COMT: variants seen among roughly 807,000 people sequenced by gnomAD.
COMT encodes the protein catechol O-methyltransferase.
In COMT, 13 loss-of-function variants were observed where a neutral mutation model predicts 18.9. The ratio of observed to expected loss-of-function variants is 0.69; its 90% CI spans 0.45 to 1.09. The LOEUF is 1.09. Among genes scored for constraint, COMT ranks in the 50% least tolerant of loss-of-function variants. COMT has a pLI of 0.00. For missense variants in COMT, 329 were observed against 361.8 expected (o/e 0.91, Z 0.73); for synonymous variants, 150 against 160.9 (o/e 0.93, Z 0.51).
chr22:19,943,189 C>T (rs1419574004), intron 1 of COMT, among the ~76,000 whole-genome samples: 3 of 152,148 alleles, frequency 2.0e-5, no homozygotes, highest in Non-Finnish European at 4.4e-5. Context: ...TGTCAGCACT[C>T]CCCCTGTGCA....
intron 1 of COMT, among the ~76,000 whole-genome samples, chr22:19,957,791 G>T (rs1047964134): frequency 6.6e-6 from 1 of 152,200 alleles, no homozygotes; most frequent in African/African-American, 2.4e-5. Flanking sequence ...CCTCACGGGG[G>T]TCTCATGAGC....
At chr22:19,942,462 C>T (rs1227687967) in intron 1 of COMT, among the ~76,000 whole-genome samples, 2 of 152,112 alleles carry the variant, frequency 1.3e-5, no homozygotes, top group African/African-American at 4.8e-5. Context: ...GCTGCTCCAC[C>T]AGGAAGGGGC....
chr22:19,968,799 G>C lies in COMT; in HGVS notation c.*63G>C. On this transcript the variant is annotated 3_prime_UTR_variant, in exon 6 of 6. Coordinates refer to ENST00000361682, the MANE Select transcript of COMT (RefSeq NM_000754.4). ...GCCTGGTACTGAAGGTGCCAGACGT[G>C]CTCCTGCTGACCTTCTGCGGCTCCG... 1 of 1,511,686 alleles carries C rather than the reference G, an allele frequency of 6.6e-7. No homozygotes were observed. The highest frequency in any genetic ancestry group is 9.0e-7 in the Non-Finnish European group (1 of 1,108,904). The allele number at this position is 1,511,686 out of a possible 1,614,324, so 93.6% of individuals were successfully genotyped here. A position where few individuals can be genotyped will look rare whatever the true frequency, so the allele number is the denominator to read the frequency against.
intron 1 of COMT, among the ~76,000 whole-genome samples, chr22:19,942,542 G>A (rs1941756008): frequency 6.6e-6 from 1 of 152,158 alleles, no homozygotes; most frequent in Admixed American, 6.5e-5. Flanking sequence ...GAAAGGGGAA[G>A]TCACTCCGGG....
At chr22:19,948,824 A>G (rs931724841) in intron 1 of COMT, among the ~76,000 whole-genome samples, 8 of 151,902 alleles carry the variant, frequency 5.3e-5, no homozygotes, top group Non-Finnish European at 1.0e-4. Context: ...GCGTGGTGCC[A>G]TGTGCCTGTG....
rs1172721952 is a variant in COMT, at chr22:19,941,864, C to A, written c.-125C>A. ...CCGCGCTGCCTGCGCCGGACCGGGG[C>A]GGGTCCAGTCCCGGGCGGGCCGTCG... On this transcript the variant is annotated 5_prime_UTR_variant, in exon 1 of 6. Coordinates refer to ENST00000361682, the MANE Select transcript of COMT (RefSeq NM_000754.4). 1 of 1,443,084 alleles carries A rather than the reference C, an allele frequency of 6.9e-7. No individual in the cohort carries two copies. The highest frequency in any genetic ancestry group is 1.4e-5 in the South Asian group (1 of 71,886). The allele number at this position is 1,443,084 out of a possible 1,614,324, so 89.4% of individuals were successfully genotyped here.
chr22:19,966,309 A>G (rs174697), intron 5 of COMT, among the ~76,000 whole-genome samples: 133,598 of 151,916 alleles, frequency 0.88, 59,287 homozygotes, highest in Middle Eastern at 0.96. Flanking sequence ...CGGAGGCACG[A>G]GGGGTGAGGG....
rs1324542073 is a variant in COMT, at chr22:19,963,759, G to A, written c.483G>A (p.Lys161=). 1 of 1,610,164 alleles carries A rather than the reference G, an allele frequency of 6.2e-7. No individual in the cohort carries two copies. The highest frequency in any genetic ancestry group is 8.5e-7 in the Non-Finnish European group (1 of 1,179,792). The change falls in exon 4 of 6, where the codon AAG becomes AAA. Residue 161 remains lysine, a splice_region_variant and synonymous_variant. Transcript: ENST00000361682. The part of the protein sequence containing the change: ...RMVDFAGVKD[K]VTLVVGASQD... ...TGGATTTCGCTGGCGTGAAGGACAA[G>A]GTGTGCATGCCTGACCCGTTGTCAG...
intron 1 of COMT, among the ~76,000 whole-genome samples, chr22:19,956,401 G>A (rs1378216318): frequency 1.5e-5 from 2 of 130,924 alleles, no homozygotes; most frequent in African/African-American, 5.8e-5. Flanking sequence ...TTTTGAGACG[G>A]AGTCTCGCTC....
At chr22:19,950,261 T>TTTG (rs763598655) in intron 1 of COMT, among the ~76,000 whole-genome samples, 40 of 132,794 alleles carry the variant, frequency 3.0e-4, no homozygotes, top group East Asian at 1.4e-3. Flanking sequence ...TTTTTTTTTT[T>TTTG]TTCTGTAGAG....
intron 1 of COMT, among the ~76,000 whole-genome samples, chr22:19,944,547 G>T (rs547734394): frequency 6.8e-6 from 1 of 147,652 alleles, no homozygotes; most frequent in Non-Finnish European, 1.5e-5. Flanking sequence ...GAATTAGGCC[G>T]GGAGCGGTGG....
chr22:19,962,315 C>A, intron 2 of COMT: 3 of 755,344 alleles, frequency 4.0e-6, no homozygotes, highest in Non-Finnish European at 6.4e-6. Flanking sequence ...CAGAGGCACA[C>A]ACCTGCTCTG....
At chr22:19,942,494 G>C (rs9306233) in intron 1 of COMT, among the ~76,000 whole-genome samples, 5,589 of 152,236 alleles carry the variant, frequency 0.037, 362 homozygotes, top group African/African-American at 0.13. Flanking sequence ...CAGGGTCGGG[G>C]GGATGTGTGG....
At position 19,963,679 on chromosome 22, in the gene COMT, A is replaced by T. The variant is rs1387841271; in HGVS notation, c.403A>T (p.Arg135Trp). 1.9e-6 allele frequency: 3 copies of T among 1,612,782 alleles called. No individual in the cohort carries two copies. The highest frequency in any genetic ancestry group is 1.7e-6 in the Non-Finnish European group (2 of 1,179,976). The change falls in exon 4 of 6, where the codon AGG (arginine) becomes TGG (tryptophan). Residue 135 changes from arginine to tryptophan, a missense_variant. By Grantham distance (101) the Arg-to-Trp change is moderately radical. Transcript: ENST00000361682. The part of the protein sequence containing the change: ...RMARLLSPGA[R>W]LITIEINPDC... ...GGCCCGCCTGCTGTCACCAGGGGCG[A>T]GGCTCATCACCATCGAGATCAACCC... is the stretch of plus-strand genomic sequence containing the variant.
intron 1 of COMT, 143 bp downstream of exon 1, chr22:19,942,040 T>A: frequency 2.8e-6 from 1 of 356,710 alleles, no homozygotes; most frequent in Non-Finnish European, 5.0e-6. Context: ...TCTCCGGACT[T>A]GGGGTGGGGA....
At chr22:19,947,703 C>A (rs1941862316) in intron 1 of COMT, among the ~76,000 whole-genome samples, 1 of 152,204 alleles carries the variant, frequency 6.6e-6, no homozygotes, top group South Asian at 2.1e-4. Flanking sequence ...TTAAGCACAG[C>A]ATCACAGGGA....
chr22:19,969,032 C>A lies in COMT; in HGVS notation c.*296C>A, dbSNP rs947572832. ...AGAATCTAAATATTTAGATATAACT[C>A]GACTTAGTACATCCTTCTCAACTGC... On this transcript the variant is annotated 3_prime_UTR_variant, in exon 6 of 6. Coordinates refer to ENST00000361682, the MANE Select transcript of COMT (RefSeq NM_000754.4). The A allele has an allele frequency of 1.4e-5, 4 of 288,038 alleles. No individual in the cohort carries two copies. The highest frequency in any genetic ancestry group is 2.2e-5 in the African/African-American group (1 of 45,412). 17.8% of individuals were successfully genotyped at this position (288,038 alleles called of 1,614,324 possible).
intron 5 of COMT, chr22:19,967,087 G>A: frequency 1.6e-6 from 2 of 1,239,794 alleles, no homozygotes; most frequent in Middle Eastern, 4.6e-4. Context: ...GTAAAGGAGT[G>A]GGCCCCTGGC....
chr22:19,945,493 G>C (rs147086874), intron 1 of COMT, among the ~76,000 whole-genome samples: 37 of 152,208 alleles, frequency 2.4e-4, no homozygotes, highest in African/African-American at 8.4e-4. Context: ...GATTCTTATT[G>C]AAGTTATTCA....
Sources: allele counts gnomAD v4.1 joint callset (sites outside exome capture counted in the v4.1 genomes callset), GRCh38; gene constraint gnomAD v4.1.1; transcripts MANE v1.5; gene names NCBI Gene and HGNC (gene_info 2026-07-23, HGNC 2026-07-21).